SAMMSON: variants seen among roughly 807,000 people sequenced by gnomAD.
SAMMSON encodes survival associated mitochondrial melanoma specific oncogenic non-coding RNA, also known as long intergenic non-protein coding RNA 1212.
intron 4 of SAMMSON, among the ~76,000 whole-genome samples, chr3:70,094,156 C>T (rs1252376863): frequency 6.6e-6 from 1 of 152,036 alleles, no homozygotes; most frequent in East Asian, 1.9e-4. Context: ...CTTCCCTTGC[C>T]CAATCACTGT....
intron 4 of SAMMSON, among the ~76,000 whole-genome samples, chr3:70,073,990 T>C (rs1013805549): frequency 6.6e-6 from 1 of 152,068 alleles, no homozygotes; most frequent in Non-Finnish European, 1.5e-5. Context: ...GTGATCATGC[T>C]AAAATCGTTA....
At chr3:70,351,925 A>T (rs1702797621) in intron 7 of SAMMSON, among the ~76,000 whole-genome samples, 1 of 152,120 alleles carries the variant, frequency 6.6e-6, no homozygotes, top group Admixed American at 6.6e-5. Flanking sequence ...ATTGTAGGAC[A>T]ATATAAATGA....
chr3:70,381,984 G>A (rs1703072764), intron 9 of SAMMSON, among the ~76,000 whole-genome samples: 1 of 152,032 alleles, frequency 6.6e-6, no homozygotes, highest in South Asian at 2.1e-4. Context: ...AATCTTGTTA[G>A]GTGTAATACT....
At chr3:70,086,140 A>G (rs960653371) in intron 4 of SAMMSON, among the ~76,000 whole-genome samples, 3 of 152,144 alleles carry the variant, frequency 2.0e-5, no homozygotes, top group Non-Finnish European at 4.4e-5. Flanking sequence ...TACTAAGAAA[A>G]CCAGTGAAGG....
intron 2 of SAMMSON, among the ~76,000 whole-genome samples, chr3:70,429,975 T>C (rs1478458216): frequency 6.6e-6 from 1 of 152,222 alleles, no homozygotes. Context: ...TCTTGCCTGA[T>C]TGCCCTGGCC....
chr3:70,159,217 C>A (rs1326935654), intron 4 of SAMMSON, among the ~76,000 whole-genome samples: 1 of 151,784 alleles, frequency 6.6e-6, no homozygotes, highest in Non-Finnish European at 1.5e-5. Context: ...GGTACATGTG[C>A]ACAATGTGCA....
intron 9 of SAMMSON, among the ~76,000 whole-genome samples, chr3:70,375,292 G>A (rs1016401936): frequency 1.3e-5 from 2 of 151,858 alleles, no homozygotes; most frequent in African/African-American, 4.8e-5. Flanking sequence ...AGAGGTGATA[G>A]CTTCATCACG....
At position 70,019,311 on chromosome 3, in the gene SAMMSON, G is replaced by A. The variant is rs1307273324; in HGVS notation, n.417+5639G>A. Among the ~76,000 whole-genome samples the A allele has an allele frequency of 2.6e-5, 4 of 152,138 alleles. No individual in the cohort carries two copies. The East Asian group carries it at 5.8e-4, about 22-fold the overall frequency. On this transcript the variant is annotated intron_variant and non_coding_transcript_variant, in intron 3 of 9. Transcript: ENST00000642114. ...TTTAGGATAGTTAGCTCTTCATGTT[G>A]AATTGTTCCCTTTACCATTATGTAA... is the stretch of plus-strand genomic sequence containing the variant.
intron 6 of SAMMSON, among the ~76,000 whole-genome samples, chr3:70,288,779 C>T (rs1271934146): frequency 6.6e-6 from 1 of 151,920 alleles, no homozygotes; most frequent in South Asian, 2.1e-4. Context: ...ATAGTTAGCT[C>T]TTCTTGTTGA....
At chr3:70,420,382 T>C (rs1701301849) in intron 2 of SAMMSON, among the ~76,000 whole-genome samples, 1 of 152,234 alleles carries the variant, frequency 6.6e-6, no homozygotes, top group Non-Finnish European at 1.5e-5. Flanking sequence ...TAGCTCATGG[T>C]ACCATAATAT....
chr3:70,089,540 G>C (rs1449228459), intron 4 of SAMMSON, among the ~76,000 whole-genome samples: 6 of 151,658 alleles, frequency 4.0e-5, no homozygotes, highest in Non-Finnish European at 7.4e-5. Flanking sequence ...AGATGGACGG[G>C]GGGTGGGGGT....
intron 4 of SAMMSON, among the ~76,000 whole-genome samples, chr3:70,200,401 A>G (rs1015252803): frequency 1.4e-4 from 22 of 152,118 alleles, no homozygotes; most frequent in Non-Finnish European, 3.1e-4. Flanking sequence ...TACTTACTTC[A>G]CACTCACAGC....
chr3:70,102,724 A>G (rs530210009), intron 4 of SAMMSON, among the ~76,000 whole-genome samples: 51 of 152,332 alleles, frequency 3.3e-4, no homozygotes, highest in African/African-American at 1.1e-3. Context: ...AAAGGATTGC[A>G]TCTTGACCCT....
intron 9 of SAMMSON, among the ~76,000 whole-genome samples, chr3:70,378,898 T>C (rs1703042398): frequency 6.6e-6 from 1 of 152,162 alleles, no homozygotes; most frequent in Admixed American, 6.5e-5. Context: ...GAGTGTTCTG[T>C]AGGATATTCC....
intron 7 of SAMMSON, among the ~76,000 whole-genome samples, chr3:70,295,314 C>G (rs1702278799): frequency 6.6e-6 from 1 of 152,124 alleles, no homozygotes. Context: ...AAGCAATTGA[C>G]CAAGATTAAC....
intron 9 of SAMMSON, among the ~76,000 whole-genome samples, chr3:70,368,005 G>A (rs1217817155): frequency 6.7e-6 from 1 of 150,076 alleles, no homozygotes; most frequent in Non-Finnish European, 1.5e-5. Flanking sequence ...TTATATTTTG[G>A]ATACAAGTCT....
At chr3:70,122,421 C>T (rs1263039307) in intron 4 of SAMMSON, among the ~76,000 whole-genome samples, 1 of 152,134 alleles carries the variant, frequency 6.6e-6, no homozygotes, top group East Asian at 1.9e-4. Flanking sequence ...GTTGCCCAGG[C>T]TGGTCTCAAA....
chr3:70,284,931 G>C (rs1056552545), intron 6 of SAMMSON, among the ~76,000 whole-genome samples: 2 of 152,118 alleles, frequency 1.3e-5, no homozygotes, highest in Non-Finnish European at 2.9e-5. Flanking sequence ...AATGGCATTG[G>C]TGTAACTGAT....
chr3:70,010,637 G>T (rs559183831), intron 1 of SAMMSON, among the ~76,000 whole-genome samples: 1 of 152,226 alleles, frequency 6.6e-6, no homozygotes, highest in Middle Eastern at 3.4e-3. Flanking sequence ...TGGAGTAATT[G>T]GCTCCAGAGT....
Sources: gnomAD v4.1 joint callset for allele counts (sites outside exome capture counted in the v4.1 genomes callset) on GRCh38, gnomAD v4.1.1 for gene constraint, MANE v1.5 for transcripts, NCBI Gene and HGNC (gene_info 2026-07-23, HGNC 2026-07-21) for gene names.